The following NCAM2 variants were observed in gnomAD, a reference collection of about 807,000 sequenced individuals.
NCAM2 encodes the protein N-CAM-2.
NCAM2 carries 30 observed loss-of-function variants against 98.1 expected under a neutral mutation model. The observed-to-expected ratio is 0.31, with a 90% CI of 0.23 to 0.41. NCAM2 has a LOEUF of 0.41. NCAM2 is among the 10% of genes least tolerant of loss of function. The probability of loss-of-function intolerance (pLI) is 1.00; values close to 1 mark genes in which losing one functional copy is unlikely to be tolerated. For synonymous variants in NCAM2, 368 were observed against 342.4 expected, an observed-to-expected ratio of 1.07 and a Z score of -0.83; for missense variants, 867 against 1,005.8, an observed-to-expected ratio of 0.86 and a Z score of 1.87.
In NCAM2 at chr21:21,048,748, G is replaced by A. The variant is rs559673945; in HGVS notation, c.55+50130G>A. Among the ~76,000 whole-genome samples the A allele has an allele frequency of 2.0e-5, 3 of 152,236 alleles. No homozygotes were observed. In the East Asian group the frequency reaches 5.8e-4, roughly 29 times the overall value. ...AACCACCTGGGGCACATGTTCTCAG[G>A]ACTTCCTGAGGGCTGTGTCACAGGC... On this transcript the variant is annotated intron_variant, in intron 1 of 17. Coordinates refer to ENST00000400546, the MANE Select transcript of NCAM2 (RefSeq NM_004540.5).
chr21:21,191,749 G>T (rs1432494627), intron 1 of NCAM2, among the ~76,000 whole-genome samples: 1 of 152,096 alleles, frequency 6.6e-6, no homozygotes, highest in Non-Finnish European at 1.5e-5. Context: ...AGTTTCTTCT[G>T]TGCAGCAGGA....
At chr21:21,431,169 T>C in intron 11 of NCAM2, among the ~76,000 whole-genome samples, 1 of 110,570 alleles carries the variant, frequency 9.0e-6, no homozygotes, top group Middle Eastern at 4.5e-3. Context: ...ATATTCCCTC[T>C]CTGAAAAAAA....
intron 16 of NCAM2, among the ~76,000 whole-genome samples, chr21:21,522,248 A>G (rs983336258): frequency 7.5e-6 from 1 of 133,610 alleles, no homozygotes; most frequent in African/African-American, 2.5e-5. Context: ...AGATGAATAT[A>G]TATGAATACT....
chr21:21,335,807 C>G, intron 7 of NCAM2, 142 bp downstream of exon 7: 1 of 786,152 alleles, frequency 1.3e-6, no homozygotes, highest in Non-Finnish European at 1.7e-6. Context: ...TAAATTTCAG[C>G]TACCAGATAG....
chr21:21,410,512 A>G, intron 10 of NCAM2, 51 bp downstream of exon 10: 1 of 1,034,252 alleles, frequency 9.7e-7, no homozygotes, highest in Non-Finnish European at 1.3e-6. Context: ...ACAACTATCT[A>G]CTATTTCAGA....
chr21:21,519,011 G>T (rs1156540765), intron 16 of NCAM2, among the ~76,000 whole-genome samples: 1 of 152,090 alleles, frequency 6.6e-6, no homozygotes, highest in Non-Finnish European at 1.5e-5. Flanking sequence ...CAACAATCAA[G>T]GGACAGAACA....
intron 1 of NCAM2, among the ~76,000 whole-genome samples, chr21:21,011,466 G>A (rs892199415): frequency 6.6e-6 from 1 of 151,850 alleles, no homozygotes; most frequent in Non-Finnish European, 1.5e-5. Flanking sequence ...CCACCCAGCT[G>A]TATAATACAT....
At chr21:21,090,248 A>C (rs1216486768) in intron 1 of NCAM2, among the ~76,000 whole-genome samples, 1 of 152,142 alleles carries the variant, frequency 6.6e-6, no homozygotes, top group Non-Finnish European at 1.5e-5. Context: ...GACTTTTTAA[A>C]ATATTAAAAA....
chr21:21,416,727 C>A (rs1373045348), intron 10 of NCAM2, among the ~76,000 whole-genome samples: 1 of 151,740 alleles, frequency 6.6e-6, no homozygotes, highest in Admixed American at 6.6e-5. Flanking sequence ...TATAATATAC[C>A]CTCGTTATAT....
intron 5 of NCAM2, among the ~76,000 whole-genome samples, chr21:21,319,616 G>C (rs1028693045): frequency 3.3e-5 from 5 of 152,180 alleles, no homozygotes; most frequent in Non-Finnish European, 1.5e-5. Context: ...ACTCCAGCCT[G>C]TCCGACAGAG....
At chr21:21,515,251 A>G (rs1259747373) in intron 16 of NCAM2, among the ~76,000 whole-genome samples, 1 of 152,158 alleles carries the variant, frequency 6.6e-6, no homozygotes, top group Non-Finnish European at 1.5e-5. Context: ...AATATGTTTA[A>G]GCAGATGGTG....
At chr21:21,051,474 T>G (rs994893042) in intron 1 of NCAM2, among the ~76,000 whole-genome samples, 4 of 152,234 alleles carry the variant, frequency 2.6e-5, no homozygotes, top group Non-Finnish European at 5.9e-5. Flanking sequence ...GATGCTTAAT[T>G]AAATGGATAT....
At chr21:21,344,671 C>T (rs759783027) in intron 8 of NCAM2, among the ~76,000 whole-genome samples, 7 of 152,140 alleles carry the variant, frequency 4.6e-5, no homozygotes, top group Admixed American at 1.3e-4. Context: ...TCCTAGACAG[C>T]ACCTCTGGAC....
intron 12 of NCAM2, among the ~76,000 whole-genome samples, chr21:21,461,580 C>T (rs771197930): frequency 1.7e-4 from 26 of 151,950 alleles, no homozygotes; most frequent in African/African-American, 6.3e-4. Context: ...TTTCTTTCCA[C>T]TGTTCATCAA....
intron 5 of NCAM2, among the ~76,000 whole-genome samples, chr21:21,297,290 T>A (rs1288819656): frequency 6.6e-6 from 1 of 151,774 alleles, no homozygotes; most frequent in East Asian, 1.9e-4. Flanking sequence ...TTCAGTATTC[T>A]ATTTTCAGTT....
At chr21:21,036,829 A>T (rs1234374961) in intron 1 of NCAM2, among the ~76,000 whole-genome samples, 1 of 152,206 alleles carries the variant, frequency 6.6e-6, no homozygotes, top group Admixed American at 6.5e-5. Context: ...AATAGATGGT[A>T]GCCTGAAGTT....
chr21:21,364,990 T>G (rs768716384), intron 8 of NCAM2, among the ~76,000 whole-genome samples: 3 of 152,076 alleles, frequency 2.0e-5, no homozygotes, highest in Admixed American at 1.3e-4. Context: ...TAAGCTCCAT[T>G]ATTGCTCAAG....
At chr21:21,102,280 T>A (rs1216113443) in intron 1 of NCAM2, among the ~76,000 whole-genome samples, 1 of 152,108 alleles carries the variant, frequency 6.6e-6, no homozygotes, top group African/African-American at 2.4e-5. Context: ...AGTTTACTTT[T>A]AAAATTGTAA....
intron 17 of NCAM2, among the ~76,000 whole-genome samples, chr21:21,534,971 T>C (rs1335617808): frequency 6.6e-6 from 1 of 152,144 alleles, no homozygotes; most frequent in Non-Finnish European, 1.5e-5. Flanking sequence ...AGTGTTGTTT[T>C]CTCTTTCAAG....
Sources: gnomAD v4.1 joint callset for allele counts (sites outside exome capture counted in the v4.1 genomes callset) on GRCh38, gnomAD v4.1.1 for gene constraint, MANE v1.5 for transcripts, NCBI Gene and HGNC (gene_info 2026-07-23, HGNC 2026-07-21) for gene names.